Variants in GLRA1 observed in about 807,000 individuals in gnomAD.
The protein encoded by GLRA1 is glycine receptor subunit alpha-1.
GLRA1 carries 37 observed loss-of-function variants against 48.3 expected under a neutral mutation model. The ratio of observed to expected loss-of-function variants is 0.77; its 90% confidence interval spans 0.59 to 1.01. The LOEUF (loss-of-function observed/expected upper bound fraction) is 1.01. GLRA1 is among the 50% of genes least tolerant of loss of function. The pLI, the probability that GLRA1 is intolerant of heterozygous loss-of-function variation, is 0.00. For synonymous variants in GLRA1, 196 were observed against 210.7 expected, an observed-to-expected ratio of 0.93 and a Z score of 0.60; for missense variants, 427 against 571.0, an observed-to-expected ratio of 0.75 and a Z score of 2.57.
intron 1 of GLRA1, among the ~76,000 whole-genome samples, chr5:151,906,148 G>A (rs963361381): frequency 6.6e-6 from 1 of 152,068 alleles, no homozygotes; most frequent in Non-Finnish European, 1.5e-5. Context: ...GTAAAATAAG[G>A]GTAATAATAG....
intron 7 of GLRA1, among the ~76,000 whole-genome samples, chr5:151,847,267 TCAAA>T (rs1188597735): frequency 6.6e-6 from 1 of 152,158 alleles, no homozygotes; most frequent in Non-Finnish European, 1.5e-5. Context: ...AGAATGTGAC[TCAAA>T]CAATAATAGT....
chr5:151,847,530 C>T lies in GLRA1; in HGVS notation c.912+3860G>A, dbSNP rs575067209. ...GGTCAGGAGTTCAAGACCAGCCTGG[C>T]CAACATAGTGAAATCCCATCTCTAC... On this transcript the variant is annotated intron_variant, in intron 7 of 8. Coordinates refer to ENST00000274576, the MANE Select transcript of GLRA1 (RefSeq NM_000171.4). 1.5e-4 allele frequency among the ~76,000 whole-genome samples: 23 copies of T among 152,216 alleles called. No individual in the cohort carries two copies. In the East Asian group the frequency reaches 4.4e-3, roughly 29 times the overall value.
intron 3 of GLRA1, among the ~76,000 whole-genome samples, chr5:151,868,737 C>G (rs781033615): frequency 6.6e-6 from 1 of 152,152 alleles, no homozygotes; most frequent in Non-Finnish European, 1.5e-5. Flanking sequence ...AGCTTCTGCC[C>G]TAGATTTAGC....
chr5:151,909,875 T>A (rs1754566533), intron 1 of GLRA1, among the ~76,000 whole-genome samples: 1 of 152,132 alleles, frequency 6.6e-6, no homozygotes, highest in Non-Finnish European at 1.5e-5. Context: ...AACTGGGACA[T>A]GTAATTCTTT....
chr5:151,857,115 C>T (rs1053625572), intron 4 of GLRA1, among the ~76,000 whole-genome samples: 3 of 152,226 alleles, frequency 2.0e-5, no homozygotes, highest in Non-Finnish European at 2.9e-5. Flanking sequence ...GAAGCAGCGA[C>T]AAACCTCTTT....
intron 1 of GLRA1, among the ~76,000 whole-genome samples, chr5:151,922,614 A>G (rs1451490916): frequency 6.6e-6 from 1 of 152,268 alleles, no homozygotes. Context: ...GTGTGCGTTC[A>G]CGCACGTAGG....
intron 7 of GLRA1, among the ~76,000 whole-genome samples, chr5:151,849,360 T>G (rs937003320): frequency 1.0e-5 from 1 of 95,594 alleles, no homozygotes; most frequent in Non-Finnish European, 2.1e-5. Flanking sequence ...CCTTCCTTCC[T>G]TCCTTTCTTC....
chr5:151,858,381 A>G (rs997356479), intron 4 of GLRA1, among the ~76,000 whole-genome samples: 3 of 152,182 alleles, frequency 2.0e-5, no homozygotes, highest in African/African-American at 7.2e-5. Flanking sequence ...CTGAAGTCGA[A>G]TGACCTTGGA....
intron 7 of GLRA1, among the ~76,000 whole-genome samples, chr5:151,835,099 C>T (rs1763539769): frequency 6.7e-6 from 1 of 150,254 alleles, no homozygotes; most frequent in South Asian, 2.1e-4. Context: ...GATATCACCA[C>T]TGATCCCACA....
intron 4 of GLRA1, among the ~76,000 whole-genome samples, chr5:151,858,076 T>C (rs991536679): frequency 6.6e-6 from 1 of 152,216 alleles, no homozygotes; most frequent in African/African-American, 2.4e-5. Context: ...CCCAATACCC[T>C]AAGATACCTA....
chr5:151,856,125 G>A (rs1753035515), intron 5 of GLRA1, among the ~76,000 whole-genome samples, 176 bp downstream of exon 5: 3 of 151,742 alleles, frequency 2.0e-5, no homozygotes, highest in Admixed American at 6.5e-5. Context: ...GGCAATGTAA[G>A]GGAAGTTATA....
chr5:151,911,575 A>G (rs960485221), intron 1 of GLRA1, among the ~76,000 whole-genome samples: 1 of 143,666 alleles, frequency 7.0e-6, no homozygotes, highest in Non-Finnish European at 1.5e-5. Flanking sequence ...ATTTCGGAAT[A>G]TGTATGATTG....
At chr5:151,914,524 T>C (rs1754691897) in intron 1 of GLRA1, among the ~76,000 whole-genome samples, 1 of 152,210 alleles carries the variant, frequency 6.6e-6, no homozygotes, top group Admixed American at 6.5e-5. Context: ...AAAATGTCTT[T>C]GGTCTGAGTA....
At chr5:151,912,974 A>T (rs1288305900) in intron 1 of GLRA1, among the ~76,000 whole-genome samples, 1 of 152,208 alleles carries the variant, frequency 6.6e-6, no homozygotes, top group Non-Finnish European at 1.5e-5. Flanking sequence ...TAATGCCTAT[A>T]TTTCCAAGAG....
At chr5:151,838,779 A>G (rs989679360) in intron 7 of GLRA1, among the ~76,000 whole-genome samples, 4 of 152,250 alleles carry the variant, frequency 2.6e-5, no homozygotes, top group African/African-American at 9.6e-5. Flanking sequence ...TTGATTAAAA[A>G]TAGTAATCTA....
intron 7 of GLRA1, chr5:151,850,533 C>G: frequency 9.3e-7 from 1 of 1,079,920 alleles, no homozygotes; most frequent in Non-Finnish European, 1.4e-6. Context: ...CACATCCACG[C>G]TTATGATCCC....
intron 5 of GLRA1, among the ~76,000 whole-genome samples, chr5:151,855,533 G>A (rs41494545): frequency 0.19 from 29,430 of 151,918 alleles, 3,522 homozygotes; most frequent in South Asian, 0.32. Context: ...TCTATTGCAC[G>A]CTCTCTTGGT....
intron 4 of GLRA1, 83 bp from the exon 5 acceptor site, chr5:151,856,466 C>G (rs1238360060): frequency 4.4e-6 from 4 of 903,578 alleles, no homozygotes; most frequent in Non-Finnish European, 7.4e-6. Flanking sequence ...GTTAGAAAAT[C>G]AGTTGCCCAG....
chr5:151,854,520 C>G (rs1324936692), intron 6 of GLRA1, among the ~76,000 whole-genome samples: 1 of 152,200 alleles, frequency 6.6e-6, no homozygotes, highest in Non-Finnish European at 1.5e-5. Flanking sequence ...CCCCAGTCAT[C>G]CAGATATTCA....
Sources: gnomAD v4.1 joint callset for allele counts (sites outside exome capture counted in the v4.1 genomes callset) on GRCh38, gnomAD v4.1.1 for gene constraint, MANE v1.5 for transcripts, NCBI Gene and HGNC (gene_info 2026-07-23, HGNC 2026-07-21) for gene names.